The following JADE1 variants were observed in gnomAD, a reference collection of about 807,000 sequenced individuals.
JADE1 encodes the protein jade family PHD finger 1.
In JADE1, 14 loss-of-function variants were observed where a neutral mutation model predicts 81.8. That is an observed-to-expected ratio of 0.17 (90% CI 0.11 to 0.27). The LOEUF is 0.27. JADE1 is among the 10% of genes least tolerant of loss of function. The probability of loss-of-function intolerance (pLI) is 1.00; values close to 1 mark genes in which losing one functional copy is unlikely to be tolerated. For missense variants in JADE1, 690 were observed against 1,047.9 expected (o/e 0.66, Z 4.71); for synonymous variants, 353 against 391.9 (o/e 0.90, Z 1.17).
chr4:128,814,763 A>G (rs1726843588), intron 1 of JADE1, among the ~76,000 whole-genome samples: 1 of 151,664 alleles, frequency 6.6e-6, no homozygotes, highest in Non-Finnish European at 1.5e-5. Context: ...GGTTTTCACC[A>G]TGTTTGTCAG....
At chr4:128,844,784 A>G (rs1729728660) in intron 3 of JADE1, among the ~76,000 whole-genome samples, 1 of 152,142 alleles carries the variant, frequency 6.6e-6, no homozygotes, top group Non-Finnish European at 1.5e-5. Flanking sequence ...GTCTTTAGAA[A>G]TGAAGAGTGG....
chr4:128,861,988 G>A lies in JADE1; in HGVS notation c.1266G>A (p.Gln422=), dbSNP rs1731379778. Residue 422 remains glutamine, a synonymous_variant, in exon 9 of 11, where the codon CAG becomes CAA. Transcript: ENST00000226319. Reference sequence around the variant, plus strand: ...GTGTCCGTAAGCAGAAGCTGCAGCAGTTGGAGGATGAGTTCTACACCTTCG... The same window carrying A: ...GTGTCCGTAAGCAGAAGCTGCAGCAATTGGAGGATGAGTTCTACACCTTCG... ...RVSVRKQKLQ[Q]LEDEFYTFVN... 6.2e-7 allele frequency: 1 copy of A among 1,614,096 alleles called. No homozygotes were observed. Among genetic ancestry groups the A allele is most frequent in the Admixed American group, 1.7e-5 (1 of 60,012 alleles).
At chr4:128,829,951 C>T (rs1483013107) in intron 1 of JADE1, among the ~76,000 whole-genome samples, 1 of 151,986 alleles carries the variant, frequency 6.6e-6, no homozygotes, top group Non-Finnish European at 1.5e-5. Flanking sequence ...GATCTCCACT[C>T]ATTCCAACCT....
At chr4:128,836,878 G>C (rs931506078) in intron 2 of JADE1, among the ~76,000 whole-genome samples, 1 of 151,848 alleles carries the variant, frequency 6.6e-6, no homozygotes, top group Non-Finnish European at 1.5e-5. Flanking sequence ...TCCTGCATCA[G>C]CCCCCTGAGT....
At chr4:128,833,586 C>T (rs1013721405) in intron 2 of JADE1, among the ~76,000 whole-genome samples, 5 of 152,036 alleles carry the variant, frequency 3.3e-5, no homozygotes, top group African/African-American at 9.7e-5. Flanking sequence ...TCCAGCTACT[C>T]GGGAGGCTGA....
chr4:128,870,402 A>G (rs146564946), intron 10 of JADE1, among the ~76,000 whole-genome samples: 315 of 152,204 alleles, frequency 2.1e-3, no homozygotes, highest in Non-Finnish European at 3.5e-3. Context: ...CTCATATCTT[A>G]TGGGAGACAG....
chr4:128,819,240 G>C (rs988086984), intron 1 of JADE1, among the ~76,000 whole-genome samples: 38 of 149,942 alleles, frequency 2.5e-4, no homozygotes, highest in African/African-American at 9.1e-4. Flanking sequence ...GGTTGTTTTT[G>C]TTTCGCTCTT....
At chr4:128,848,223 G>A (rs190305415) in intron 4 of JADE1, among the ~76,000 whole-genome samples, 8 of 152,254 alleles carry the variant, frequency 5.3e-5, no homozygotes, top group African/African-American at 1.9e-4. Context: ...CTGTTGCCCA[G>A]GCTGGAGTGC....
intron 8 of JADE1, among the ~76,000 whole-genome samples, chr4:128,860,080 T>C (rs1731196440): frequency 6.6e-6 from 1 of 152,190 alleles, no homozygotes; most frequent in African/African-American, 2.4e-5. Context: ...GGGTTAAGTG[T>C]AGTTTAAGCC....
chr4:128,848,913 C>T (rs11098988), intron 4 of JADE1, 67 bp from the exon 5 acceptor site: 267,129 of 1,525,114 alleles, frequency 0.18, 24,996 homozygotes, highest in Middle Eastern at 0.28. Context: ...CATTTGGGGC[C>T]TTGTGGCACA....
chr4:128,837,705 G>A (rs1729096199), intron 2 of JADE1, among the ~76,000 whole-genome samples: 1 of 152,178 alleles, frequency 6.6e-6, no homozygotes, highest in Non-Finnish European at 1.5e-5. Flanking sequence ...TGCCCTTGCT[G>A]TGACACCAGA....
chr4:128,843,115 G>C, intron 3 of JADE1, 77 bp downstream of exon 3: 1 of 1,130,224 alleles, frequency 8.8e-7, no homozygotes, highest in Non-Finnish European at 1.3e-6. Context: ...ATCTATTTGT[G>C]CAGTCCTGGG....
At chr4:128,817,156 C>T (rs1727115488) in intron 1 of JADE1, among the ~76,000 whole-genome samples, 1 of 151,996 alleles carries the variant, frequency 6.6e-6, no homozygotes, top group South Asian at 2.1e-4. Flanking sequence ...CCATGACTGG[C>T]CAGTTTTCTA....
At chr4:128,822,806 C>T (rs73846994) in intron 1 of JADE1, among the ~76,000 whole-genome samples, 1,688 of 152,218 alleles carry the variant, frequency 0.011, 21 homozygotes, top group African/African-American at 0.037. Context: ...ACCCTTTGGT[C>T]ACATTTCTCA....
chr4:128,854,999 TC>T (rs1228840615), intron 6 of JADE1, among the ~76,000 whole-genome samples: 3 of 152,234 alleles, frequency 2.0e-5, no homozygotes, highest in African/African-American at 7.2e-5. Flanking sequence ...ACGACATTCT[TC>T]CTGTGTAGAA....
intron 5 of JADE1, 123 bp downstream of exon 5, chr4:128,849,290 C>T: frequency 1.3e-6 from 1 of 774,796 alleles, no homozygotes; most frequent in Non-Finnish European, 2.0e-6. Flanking sequence ...TAGCTTTAGT[C>T]AGTGAGAATC....
intron 9 of JADE1, chr4:128,863,607 C>A: frequency 1.0e-6 from 1 of 985,410 alleles, no homozygotes; most frequent in Non-Finnish European, 1.2e-6. Context: ...CCGCGGATTC[C>A]GGCCCTGGAA....
chr4:128,830,711 A>G (rs375074198), intron 1 of JADE1, among the ~76,000 whole-genome samples: 25 of 152,328 alleles, frequency 1.6e-4, no homozygotes, highest in East Asian at 1.2e-3. Flanking sequence ...CCAGTGCCCT[A>G]AAGATGTCAG....
intron 2 of JADE1, among the ~76,000 whole-genome samples, chr4:128,835,494 G>T (rs1030238189): frequency 6.6e-6 from 1 of 152,142 alleles, no homozygotes; most frequent in African/African-American, 2.4e-5. Context: ...TATATAACTG[G>T]GTGGCCTGCG....
Sources: allele counts gnomAD v4.1 joint callset (sites outside exome capture counted in the v4.1 genomes callset), GRCh38; gene constraint gnomAD v4.1.1; transcripts MANE v1.5; gene names NCBI Gene and HGNC (gene_info 2026-07-23, HGNC 2026-07-21).